The following IFFO1 variants were observed in gnomAD, a reference collection of about 807,000 sequenced individuals.
The protein encoded by IFFO1 is non-homologous end joining factor IFFO1.
IFFO1 carries 42 observed loss-of-function variants against 59.6 expected under a neutral mutation model. That is an observed-to-expected ratio of 0.70 (90% CI 0.55 to 0.91). The LOEUF is 0.91. Among genes scored for constraint, IFFO1 ranks in the 40% least tolerant of loss-of-function variants. The pLI is 0.00. For missense variants in IFFO1, 711 were observed against 793.2 expected (o/e 0.90, Z 1.24); for synonymous variants, 336 against 342.8 (o/e 0.98, Z 0.22).
At chr12:6,551,535 G>A (rs578106729) in intron 1 of IFFO1, 104 of 1,215,894 alleles carry the variant, frequency 8.6e-5, no homozygotes, top group Non-Finnish European at 1.1e-4. Flanking sequence ...AACAGAGTGG[G>A]TCAAGAGCCT....
At position 6,541,360 on chromosome 12, in the gene IFFO1, G is replaced by A; in HGVS notation, c.1610+152C>T. ...TCCAACTGCCAAGGGAGAGAGCTGT[G>A]GGTCTGGGCCAGCCCCACCAGGTAA... On this transcript the variant is annotated intron_variant, in intron 9 of 9. Coordinates refer to ENST00000619571, the MANE Select transcript of IFFO1 (RefSeq NM_001193457.2). The surrounding 1 kb of genome is among the most constrained non-coding windows in gnomAD (Gnocchi z 4.8). 1.1e-6 allele frequency: 1 copy of A among 943,784 alleles called. No individual in the cohort carries two copies. The highest frequency in any genetic ancestry group is 1.6e-6 in the Non-Finnish European group (1 of 640,984). 58.5% of individuals were successfully genotyped at this position (943,784 alleles called of 1,614,324 possible).
chr12:6,543,061 G>A (rs7300366), intron 8 of IFFO1, among the ~76,000 whole-genome samples: 33,491 of 152,064 alleles, frequency 0.22, 3,889 homozygotes, highest in Admixed American at 0.26. Context: ...CTGCAGGCTC[G>A]CTGTGTGAAC....
chr12:6,541,393 A>G lies in IFFO1; in HGVS notation c.1610+119T>C. 7.5e-7 allele frequency: 1 copy of G among 1,337,486 alleles called. No homozygotes were observed. The highest frequency in any genetic ancestry group is 1.3e-5 in the South Asian group (1 of 74,656). 82.9% of individuals were successfully genotyped at this position (1,337,486 alleles called of 1,614,324 possible). A position where few individuals can be genotyped will look rare whatever the true frequency, so the allele number is the denominator to read the frequency against. Reference sequence around the variant, plus strand: ...GCCAGCCCCACCAGGTAACTCCCAAAGGGCAGCCCCACAGCAAGATGTGAC... The same window carrying G: ...GCCAGCCCCACCAGGTAACTCCCAAGGGGCAGCCCCACAGCAAGATGTGAC... On this transcript the variant is annotated intron_variant, in intron 9 of 9. Coordinates refer to ENST00000619571, the MANE Select transcript of IFFO1 (RefSeq NM_001193457.2). This position sits in a 1 kb window ranked among gnomAD's most constrained non-coding sequence, Gnocchi z 4.8.
At chr12:6,552,253 G>A (rs1947266402) in intron 1 of IFFO1, among the ~76,000 whole-genome samples, 2 of 151,922 alleles carry the variant, frequency 1.3e-5, no homozygotes, top group South Asian at 2.1e-4. Flanking sequence ...ATTCACAGCC[G>A]CACTGCAGTA....
rs1485004103 is a variant in IFFO1 at position 6,549,416 on chromosome 12, C to G, written c.1080+60G>C. 1.2e-6 allele frequency: 2 copies of G among 1,604,396 alleles called. No individual in the cohort carries two copies. The highest frequency in any genetic ancestry group is 1.7e-6 in the Non-Finnish European group (2 of 1,171,656). ...CGGGCCCAAACTGAGGGCCAGGAGGCCTAGGCAGCTTAGAAACTGGGACTG... is the reference window on the plus strand; with the variant it reads ...CGGGCCCAAACTGAGGGCCAGGAGGGCTAGGCAGCTTAGAAACTGGGACTG... On this transcript the variant is annotated intron_variant, in intron 5 of 9. Coordinates refer to ENST00000619571, the MANE Select transcript of IFFO1 (RefSeq NM_001193457.2). The surrounding 1 kb of genome is among the most constrained non-coding windows in gnomAD (Gnocchi z 5.0).
intron 1 of IFFO1, chr12:6,551,339 C>T: frequency 9.4e-7 from 1 of 1,060,712 alleles, no homozygotes. Context: ...TCCGGCTGGC[C>T]TCATTGCCCA....
chr12:6,544,723 G>C (rs374250404), intron 8 of IFFO1: 2 of 152,364 alleles, frequency 1.3e-5, no homozygotes, highest in East Asian at 3.9e-4. Context: ...AGCCGCGGTA[G>C]ACGGGAGGGT....
chr12:6,540,660 G>A (rs1423454308), intron 9 of IFFO1, 72 bp from the exon 10 acceptor site: 23 of 1,280,662 alleles, frequency 1.8e-5, no homozygotes, highest in Non-Finnish European at 2.6e-5. Flanking sequence ...TCCTCCTCCT[G>A]CTGCCTCACC....
rs748995413 is a variant in IFFO1, at chr12:6,549,516, AAG to A, written c.1072-34_1072-33del. 4 of 1,585,524 alleles carry A rather than the reference AAG, an allele frequency of 2.5e-6. No homozygotes were observed. Among genetic ancestry groups the A allele is most frequent in the Non-Finnish European group, 3.5e-6 (4 of 1,154,148 alleles). On this transcript the variant is annotated intron_variant, in intron 4 of 9. Transcript: ENST00000619571. The surrounding 1 kb of genome is among the most constrained non-coding windows in gnomAD (Gnocchi z 5.0). The stretch of plus-strand genomic sequence containing the variant: ...AGGAAGCAAGAGAGAAGATGAGAGG[AAG>A]AGAGGAGAGGAAGCAGACAGAGGAG...
At chr12:6,545,306 A>C (rs1263429651) in intron 8 of IFFO1, among the ~76,000 whole-genome samples, 2 of 152,250 alleles carry the variant, frequency 1.3e-5, no homozygotes, top group African/African-American at 2.4e-5. Flanking sequence ...CAGGTACCCA[A>C]GGTGAACCTT....
intron 8 of IFFO1, chr12:6,543,944 A>C (rs1044942282): frequency 6.6e-6 from 1 of 152,124 alleles, no homozygotes; most frequent in Non-Finnish European, 1.5e-5. Context: ...CAGCCTGGGC[A>C]ACAAGAGCAA....
chr12:6,541,247 GT>G lies in IFFO1; in HGVS notation c.1610+264del, dbSNP rs1946697233. On this transcript the variant is annotated intron_variant, in intron 9 of 9. Coordinates refer to ENST00000619571, the MANE Select transcript of IFFO1 (RefSeq NM_001193457.2). The surrounding 1 kb of genome is among the most constrained non-coding windows in gnomAD (Gnocchi z 4.8). Reference sequence around the variant, plus strand: ...CCCACAACCCTTCTGTTCCTTGCCAGTTTTTAAACTGCCTCTAACCAGGGGA... The same window carrying G: ...CCCACAACCCTTCTGTTCCTTGCCAGTTTTAAACTGCCTCTAACCAGGGGA... Among the ~76,000 whole-genome samples the G allele has an allele frequency of 6.6e-6, 1 of 152,178 alleles. No homozygotes were observed. The highest frequency in any genetic ancestry group is 2.4e-5 in the African/African-American group (1 of 41,436).
chr12:6,549,997 G>A lies in IFFO1; in HGVS notation c.931-101C>T, dbSNP rs189347939. The A allele has an allele frequency of 4.3e-5, 57 of 1,310,612 alleles. No homozygotes were observed. The highest frequency in any genetic ancestry group is 2.5e-4 in the Admixed American group (11 of 43,606). 81.2% of individuals were successfully genotyped at this position (1,310,612 alleles called of 1,614,324 possible). On this transcript the variant is annotated intron_variant, in intron 3 of 9. Transcript: ENST00000619571. The surrounding 1 kb of genome is among the most constrained non-coding windows in gnomAD (Gnocchi z 5.0). ...CTCATCCTTCCCACCACATTGCACC[G>A]GTGCCTCTTCTGTGGAGTCTCCCTG...
intron 3 of IFFO1, 163 bp from the exon 4 acceptor site, chr12:6,550,059 TC>T: frequency 2.8e-6 from 2 of 721,520 alleles, no homozygotes; most frequent in Non-Finnish European, 4.5e-6. Flanking sequence ...AGCGGTGGCC[TC>T]CCCACAGCAC....
Position 6,548,560 on chromosome 12 carries a change from C to T in IFFO1, c.1263-15G>A, listed in dbSNP as rs751657070. 3.1e-6 allele frequency: 5 copies of T among 1,613,538 alleles called. No individual in the cohort carries two copies. Among genetic ancestry groups the T allele is most frequent in the Non-Finnish European group, 4.2e-6 (5 of 1,179,614 alleles). On this transcript the variant is annotated splice_polypyrimidine_tract_variant and intron_variant, in intron 6 of 9. Coordinates refer to ENST00000619571, the MANE Select transcript of IFFO1 (RefSeq NM_001193457.2). This position sits in a 1 kb window ranked among gnomAD's most constrained non-coding sequence, Gnocchi z 6.1. Reference sequence around the variant, plus strand: ...CATACTCCCTCCTAGAGACAGGGAACCCGGGTGTCAGGGCGGGCGGGGCCT... The same window carrying T: ...CATACTCCCTCCTAGAGACAGGGAATCCGGGTGTCAGGGCGGGCGGGGCCT...
chr12:6,555,425 G>A lies in IFFO1; in HGVS notation c.605C>T (p.Ala202Val). 1 of 1,613,990 alleles carries A rather than the reference G, an allele frequency of 6.2e-7. No homozygotes were observed. Among genetic ancestry groups the A allele is most frequent in the Non-Finnish European group, 8.5e-7 (1 of 1,179,944 alleles). Residue 202 changes from alanine (A) to valine (V), a missense_variant, in exon 1 of 10, where the codon GCC (alanine) becomes GTC (valine). Transcript: ENST00000619571. This position sits in a 1 kb window ranked among gnomAD's most constrained non-coding sequence, Gnocchi z 8.6. ...MPGTIWSFSH[A>V]RRLGPGLEPT... ...CTCCAGTCCCGGCCCGAGCCGGCGG[G>A]CGTGCGAGAACGACCAGATGGTGCC...
At chr12:6,553,740 C>G (rs1474021410) in intron 1 of IFFO1, among the ~76,000 whole-genome samples, 1 of 152,194 alleles carries the variant, frequency 6.6e-6, no homozygotes, top group African/African-American at 2.4e-5. Context: ...CTACTGCACT[C>G]CAGCCCGGAT....
At chr12:6,553,996 T>C (rs1435127706) in intron 1 of IFFO1, among the ~76,000 whole-genome samples, 2 of 152,154 alleles carry the variant, frequency 1.3e-5, no homozygotes, top group East Asian at 3.8e-4. Flanking sequence ...TTGCATTTAC[T>C]TCTAAAATTG....
chr12:6,551,690 T>TG, intron 1 of IFFO1: 1 of 376,292 alleles, frequency 2.7e-6, no homozygotes, highest in South Asian at 2.0e-5. Flanking sequence ...CACACGAGCC[T>TG]GGGGTTACTA....
Sources: allele counts gnomAD v4.1 joint callset (sites outside exome capture counted in the v4.1 genomes callset), GRCh38; gene constraint gnomAD v4.1.1; non-coding constraint Gnocchi (gnomAD v3.1); transcripts MANE v1.5; gene names NCBI Gene and HGNC (gene_info 2026-07-23, HGNC 2026-07-21).